Variants in TXNDC5 observed in about 807,000 individuals in gnomAD.
TXNDC5 encodes thioredoxin domain containing 5.
TXNDC5 carries 44 observed loss-of-function variants against 52.6 expected under a neutral mutation model. The observed-to-expected ratio is 0.84, with a 90% CI of 0.66 to 1.08. The LOEUF is 1.08. Ranked by LOEUF, TXNDC5 falls within the 50% of genes least tolerant of loss-of-function variation. The pLI is 0.00. For synonymous variants in TXNDC5, 241 were observed against 234.4 expected, an observed-to-expected ratio of 1.03 and a Z score of -0.26; for missense variants, 600 against 565.5, an observed-to-expected ratio of 1.06 and a Z score of -0.62.
At position 7,889,523 on chromosome 6, in the gene TXNDC5, G is replaced by A. The variant is rs1257901889; in HGVS notation, c.791C>T (p.Thr264Ile). Residue 264 changes from threonine (T) to isoleucine (I), a missense_variant, in exon 6 of 10, where the codon ACT (threonine) becomes ATT (isoleucine). Transcript: ENST00000379757. ...TTTCCCATCTCGGAACCAGAGAAGA[G>A]TGGGATAGCCACGAACCTGGTTTCC... The part of the protein sequence containing the change: ...CSGNQVRGYP[T>I]LLWFRDGKKV... The A allele has an allele frequency of 6.8e-6, 11 of 1,613,604 alleles. No individual in the cohort carries two copies. The African/African-American group carries it at 9.3e-5, about 14-fold the overall frequency.
rs1336390901 is a variant in TXNDC5, at chr6:7,889,135, T to G, written c.820-287A>C. On this transcript the variant is annotated intron_variant, in intron 6 of 9. Transcript: ENST00000379757. ...GTTGTGCTGATGGGGAACTCTGAGC[T>G]GCTGACCATCGGCCAGGGAAGGAGG... The G allele has an allele frequency of 6.5e-6, 3 of 461,920 alleles. No individual in the cohort carries two copies. The Admixed American group carries it at 1.2e-4, about 18-fold the overall frequency. The allele number at this position is 461,920 out of a possible 1,614,324, so 28.6% of individuals were successfully genotyped here.
intron 2 of TXNDC5, among the ~76,000 whole-genome samples, chr6:7,900,572 G>A (rs765239712): frequency 2.6e-5 from 4 of 152,124 alleles, no homozygotes; most frequent in Non-Finnish European, 5.9e-5. Context: ...ATTGTAAGAC[G>A]GCAACATATG....
intron 8 of TXNDC5, 34 bp from the exon 9 acceptor site, chr6:7,884,522 C>T: frequency 1.2e-6 from 2 of 1,613,216 alleles, no homozygotes; most frequent in East Asian, 2.2e-5. Flanking sequence ...TCGTTGAAAT[C>T]CTGGGTCGAG....
rs1476063849 is a variant in TXNDC5 at position 7,910,545 on chromosome 6, C to T, written c.232G>A (p.Ala78Thr). 6.9e-7 allele frequency: 1 copy of T among 1,456,610 alleles called. No homozygotes were observed. Among genetic ancestry groups the T allele is most frequent in the Non-Finnish European group, 9.1e-7 (1 of 1,094,612 alleles). The allele number at this position is 1,456,610 out of a possible 1,614,324, so 90.2% of individuals were successfully genotyped here. The change falls in exon 1 of 10, where the codon GCC becomes ACC. Residue 78 changes from alanine to threonine, a missense_variant. Physicochemically the swap from Ala to Thr is moderately conservative, Grantham distance 58. Coordinates refer to ENST00000379757, the MANE Select transcript of TXNDC5 (RefSeq NM_030810.5). ...GCGAAGAACATGACGAAGTGCGCGG[C>T]GCTCTGGATCCCGTGCGTGAACATG... is the stretch of plus-strand genomic sequence containing the variant. ...ADMFTHGIQS[A>T]AHFVMFFAPW...
chr6:7,889,410 C>T, intron 6 of TXNDC5, 85 bp downstream of exon 6: 1 of 1,140,554 alleles, frequency 8.8e-7, no homozygotes, highest in Non-Finnish European at 1.3e-6. Context: ...ATTGGCAATT[C>T]ACTGTGCCCA....
chr6:7,901,508 T>C (rs1261057157), intron 2 of TXNDC5, among the ~76,000 whole-genome samples: 1 of 152,250 alleles, frequency 6.6e-6, no homozygotes, highest in African/African-American at 2.4e-5. Flanking sequence ...CATCTTCTTG[T>C]TGTTGGACTG....
chr6:7,886,628 G>A (rs906061182), intron 7 of TXNDC5, among the ~76,000 whole-genome samples: 2 of 152,224 alleles, frequency 1.3e-5, no homozygotes, highest in Admixed American at 6.5e-5. Flanking sequence ...TGTGAAAAAC[G>A]CTGATGGAAG....
chr6:7,885,572 A>G (rs1475403706), intron 8 of TXNDC5, among the ~76,000 whole-genome samples: 1 of 152,268 alleles, frequency 6.6e-6, no homozygotes. Flanking sequence ...ACCGAGGAGC[A>G]AAGCTACATC....
At chr6:7,889,721 T>G (rs1760126883) in intron 5 of TXNDC5, 140 bp from the exon 6 acceptor site, 2 of 634,824 alleles carry the variant, frequency 3.2e-6, no homozygotes. Flanking sequence ...AAGGTGCAGT[T>G]TTTGAAGAGA....
chr6:7,888,715 T>G lies in TXNDC5; in HGVS notation c.953A>C (p.Glu318Ala), dbSNP rs1341860942. The change falls in exon 7 of 10, where the codon GAG becomes GCG. Residue 318 changes from glutamate (E) to alanine (A), a missense_variant. By Grantham distance (107) the Glu-to-Ala change is moderately radical. Coordinates refer to ENST00000379757, the MANE Select transcript of TXNDC5 (RefSeq NM_030810.5). ...CCAGCAGGCACCCACCTTGTCAGCC[T>G]CGGGCTCAGCTGCCAGCACCGGGGC... ...SEAPVLAAEP[E>A]ADKGTVLALT... The G allele has an allele frequency of 3.7e-6, 6 of 1,611,440 alleles. No homozygotes were observed. In the East Asian group the frequency reaches 1.1e-4, roughly 30 times the overall value.
At chr6:7,892,474 C>A (rs1760229196) in intron 4 of TXNDC5, among the ~76,000 whole-genome samples, 2 of 152,314 alleles carry the variant, frequency 1.3e-5, no homozygotes, top group Non-Finnish European at 2.9e-5. Flanking sequence ...ACATATAGAA[C>A]TATAGTGCTC....
chr6:7,895,452 C>T (rs1215726651), intron 3 of TXNDC5, among the ~76,000 whole-genome samples: 1 of 152,192 alleles, frequency 6.6e-6, no homozygotes, highest in Non-Finnish European at 1.5e-5. Flanking sequence ...TCTGAGTCTC[C>T]AGGGCAGCCA....
rs371737195 is a variant in TXNDC5, at chr6:7,893,550, T to C, written c.616+1556A>G. Reference sequence around the variant, plus strand: ...CGCTGGCTAGGCCTGCCGGAGTCGGTCTGTCCTGCCGGAGTCGGTCCGTAA... The same window carrying C: ...CGCTGGCTAGGCCTGCCGGAGTCGGCCTGTCCTGCCGGAGTCGGTCCGTAA... On this transcript the variant is annotated intron_variant, in intron 4 of 9. Coordinates refer to ENST00000379757, the MANE Select transcript of TXNDC5 (RefSeq NM_030810.5). Among the ~76,000 whole-genome samples the C allele has an allele frequency of 2.2e-3, 329 of 152,280 alleles. 2 individuals carry two copies. The highest frequency in any genetic ancestry group is 7.5e-3 in the African/African-American group (310 of 41,564).
chr6:7,889,570 T>G lies in TXNDC5; in HGVS notation c.744A>C (p.Thr248=), dbSNP rs917962861. The change falls in exon 6 of 10, where the codon ACA becomes ACC. Residue 248 remains threonine, a synonymous_variant. Coordinates refer to ENST00000379757, the MANE Select transcript of TXNDC5 (RefSeq NM_030810.5). ...ETVKIGKVDC[T]QHYELCSGNQ... is the part of the protein sequence containing the mutation. ...TTCCGGAGCAGAGTTCATAGTGCTG[T>G]GTACAATCAACCTGAGAATAAAAGC... The G allele has an allele frequency of 1.2e-6, 2 of 1,610,582 alleles. No individual in the cohort carries two copies. The highest frequency in any genetic ancestry group is 1.7e-5 in the Admixed American group (1 of 59,976).
intron 9 of TXNDC5, 72 bp from the exon 10 acceptor site, chr6:7,883,338 C>A: frequency 6.2e-7 from 1 of 1,605,964 alleles, no homozygotes; most frequent in East Asian, 2.2e-5. Context: ...CTAAATAAAA[C>A]CAGATACACT....
At chr6:7,902,902 T>C (rs1431420960) in intron 2 of TXNDC5, among the ~76,000 whole-genome samples, 1 of 152,234 alleles carries the variant, frequency 6.6e-6, no homozygotes, top group Non-Finnish European at 1.5e-5. Context: ...TTTTGGTGAA[T>C]ACCAACTATG....
intron 2 of TXNDC5, among the ~76,000 whole-genome samples, chr6:7,901,259 G>C (rs956184743): frequency 2.6e-5 from 4 of 152,142 alleles, no homozygotes; most frequent in Admixed American, 6.5e-5. Context: ...ACCTAGCCTG[G>C]CACCTCCCCA....
chr6:7,889,184 C>T, intron 6 of TXNDC5: 1 of 443,942 alleles, frequency 2.3e-6, no homozygotes, highest in Non-Finnish European at 4.0e-6. Flanking sequence ...AGAACCGGAC[C>T]AAGTGCAAGC....
At position 7,881,536 on chromosome 6, in the gene TXNDC5, A is replaced by T. The variant is rs1759737340; in HGVS notation, c.*1608T>A. 2 of 152,438 alleles carry T rather than the reference A, an allele frequency of 1.3e-5. No homozygotes were observed. The highest frequency in any genetic ancestry group is 2.9e-5 in the Non-Finnish European group (2 of 68,016). The allele number at this position is 152,438 out of a possible 1,614,324, so 9.4% of individuals were successfully genotyped here. ...CCAGACTTTTAAAAAAAAAGAGTTTATTTAGAAAGTATCATAGTGTAAACA... is the reference window on the plus strand; with the variant it reads ...CCAGACTTTTAAAAAAAAAGAGTTTTTTTAGAAAGTATCATAGTGTAAACA... On this transcript the variant is annotated 3_prime_UTR_variant, in exon 10 of 10. Transcript: ENST00000379757.
Sources: allele counts gnomAD v4.1 joint callset (sites outside exome capture counted in the v4.1 genomes callset), GRCh38; gene constraint gnomAD v4.1.1; transcripts MANE v1.5; gene names NCBI Gene and HGNC (gene_info 2026-07-23, HGNC 2026-07-21).